The following CPE variants were observed in gnomAD, a reference collection of about 807,000 sequenced individuals.
CPE encodes carboxypeptidase E.
A neutral mutation model predicts 53.5 loss-of-function variants in CPE; 17 were observed. The ratio of observed to expected loss-of-function variants is 0.32; its 90% CI spans 0.22 to 0.48. The LOEUF (loss-of-function observed/expected upper bound fraction) is 0.48, where lower values mean the gene tolerates loss of function less well. CPE is among the 20% of genes least tolerant of loss of function. CPE has a pLI of 0.99. For synonymous variants in CPE, 226 were observed against 228.8 expected, an observed-to-expected ratio of 0.99 and a Z score of 0.11; for missense variants, 524 against 614.7, an observed-to-expected ratio of 0.85 and a Z score of 1.56.
In CPE at chr4:165,436,063, T is replaced by C. The variant is rs563400153; in HGVS notation, c.308-28327T>C. ...CCTCAACTTCCCAAACTCAAATATT[T>C]AGAAACCCTAGCACTCTGTTCTTGA... On this transcript the variant is annotated intron_variant, in intron 1 of 8. Coordinates refer to ENST00000402744, the MANE Select transcript of CPE (RefSeq NM_001873.4). 2.2e-3 allele frequency among the ~76,000 whole-genome samples: 332 copies of C among 152,242 alleles called. 1 individual carries two copies. The highest frequency in any genetic ancestry group is 7.8e-3 in the African/African-American group (325 of 41,558).
At chr4:165,404,685 C>A in intron 1 of CPE, 1 of 941,742 alleles carries the variant, frequency 1.1e-6, no homozygotes, top group Non-Finnish European at 1.8e-6. Context: ...ATTCAGATGA[C>A]TTCAGACATC....
At chr4:165,421,359 G>A (rs150025361) in intron 1 of CPE, among the ~76,000 whole-genome samples, 5 of 152,302 alleles carry the variant, frequency 3.3e-5, no homozygotes, top group African/African-American at 1.2e-4. Flanking sequence ...GCAGAGAAGG[G>A]GCCAAATCTT....
intron 8 of CPE, 56 bp from the exon 9 acceptor site, chr4:165,497,456 A>C (rs1174262037): frequency 1.8e-5 from 18 of 1,009,506 alleles, no homozygotes; most frequent in Non-Finnish European, 2.1e-5. Context: ...TTTTTATTTC[A>C]ATTTAAAAAA....
At chr4:165,452,729 C>A (rs17687381) in intron 1 of CPE, among the ~76,000 whole-genome samples, 8,922 of 152,224 alleles carry the variant, frequency 0.059, 353 homozygotes, top group East Asian at 0.15. Flanking sequence ...GAAATTCCCA[C>A]CAGTCTGCTG....
At chr4:165,460,788 T>G (rs1731985258) in intron 1 of CPE, among the ~76,000 whole-genome samples, 1 of 152,180 alleles carries the variant, frequency 6.6e-6, no homozygotes, top group Non-Finnish European at 1.5e-5. Context: ...TCTTATCGTA[T>G]TCTTACAAGA....
At chr4:165,392,587 A>T (rs1730701800) in intron 1 of CPE, among the ~76,000 whole-genome samples, 2 of 146,354 alleles carry the variant, frequency 1.4e-5, no homozygotes, top group Admixed American at 7.0e-5. Context: ...TTATATTTAT[A>T]TTACATTATT....
intron 6 of CPE, among the ~76,000 whole-genome samples, chr4:165,490,056 G>C (rs796208855): frequency 5.3e-5 from 8 of 152,316 alleles, no homozygotes; most frequent in African/African-American, 1.9e-4. Context: ...CAGAAGTTCT[G>C]TGTTGTAATT....
intron 3 of CPE, among the ~76,000 whole-genome samples, chr4:165,481,018 T>TA (rs1560894846): frequency 2.1e-3 from 237 of 115,268 alleles, no homozygotes; most frequent in African/African-American, 7.7e-3. Flanking sequence ...ATATATATAT[T>TA]TTTTTTTTTT....
intron 1 of CPE, among the ~76,000 whole-genome samples, chr4:165,410,122 G>A (rs995364198): frequency 3.3e-5 from 5 of 151,764 alleles, no homozygotes; most frequent in East Asian, 3.9e-4. Flanking sequence ...GGTGGTGGGC[G>A]CCTGTAGTCC....
Position 165,398,247 on chromosome 4 carries a change from A to C in CPE, c.307+18719A>C, listed in dbSNP as rs113555417. Among the ~76,000 whole-genome samples the C allele has an allele frequency of 1.7e-3, 257 of 152,212 alleles. 1 individual carries two copies. Among genetic ancestry groups the C allele is most frequent in the African/African-American group, 5.7e-3 (235 of 41,528 alleles). ...ATATAATATTAGTAAAAGATTGATA[A>C]GAGCATGTACCAGTGACAATTTTCT... is the stretch of plus-strand genomic sequence containing the variant. On this transcript the variant is annotated intron_variant, in intron 1 of 8. Coordinates refer to ENST00000402744, the MANE Select transcript of CPE (RefSeq NM_001873.4).
chr4:165,419,752 G>C (rs758371766), intron 1 of CPE, among the ~76,000 whole-genome samples: 1 of 152,146 alleles, frequency 6.6e-6, no homozygotes, highest in African/African-American at 2.4e-5. Flanking sequence ...GCACAAACAT[G>C]CATGTGAAGA....
rs371855900 is a variant in CPE at position 165,464,578 on chromosome 4, G to A, written c.496G>A (p.Ala166Thr). Reference sequence around the variant, plus strand: ...GAACCCAGATGGCTTTGAGAAGGCAGCGTCTCAGGTGAGTGCCAGGCAGCT... The same window carrying A: ...GAACCCAGATGGCTTTGAGAAGGCAACGTCTCAGGTGAGTGCCAGGCAGCT... The part of the protein sequence containing the change: ...SLNPDGFEKA[A>T]SQPGELKDWF... The change falls in exon 2 of 9, where the codon GCG (alanine) becomes ACG (threonine). Residue 166 changes from alanine (A) to threonine (T), a missense_variant. Coordinates refer to ENST00000402744, the MANE Select transcript of CPE (RefSeq NM_001873.4). 6.3e-5 allele frequency: 101 copies of A among 1,609,802 alleles called. No homozygotes were observed. The highest frequency in any genetic ancestry group is 8.2e-5 in the Non-Finnish European group (97 of 1,177,376).
intron 5 of CPE, among the ~76,000 whole-genome samples, 164 bp downstream of exon 5, chr4:165,484,768 T>C (rs890976531): frequency 5.3e-5 from 8 of 152,230 alleles, no homozygotes; most frequent in Non-Finnish European, 1.2e-4. Context: ...TTTGCGTGAA[T>C]GATTACTATG....
At chr4:165,381,343 G>C (rs1163693296) in intron 1 of CPE, 1 of 455,978 alleles carries the variant, frequency 2.2e-6, no homozygotes, top group Non-Finnish European at 4.4e-6. Flanking sequence ...GGCACACAGC[G>C]GGCTTGAATA....
At chr4:165,381,083 C>T (rs191921084) in intron 1 of CPE, among the ~76,000 whole-genome samples, 21 of 152,268 alleles carry the variant, frequency 1.4e-4, no homozygotes, top group African/African-American at 5.1e-4. Context: ...AGATTGATCC[C>T]AGAGTTTTTT....
intron 1 of CPE, among the ~76,000 whole-genome samples, chr4:165,460,835 G>T (rs1415003820): frequency 6.6e-6 from 1 of 151,974 alleles, no homozygotes; most frequent in East Asian, 1.9e-4. Context: ...TCTATGTGGG[G>T]GCACAGGTGA....
chr4:165,484,788 G>A (rs1483694767), intron 5 of CPE, among the ~76,000 whole-genome samples, 184 bp downstream of exon 5: 1 of 152,098 alleles, frequency 6.6e-6, no homozygotes, highest in Non-Finnish European at 1.5e-5. Context: ...GTATAATTTT[G>A]TTTTTGTGGA....
intron 1 of CPE, among the ~76,000 whole-genome samples, chr4:165,414,760 G>A (rs1731094161): frequency 6.6e-6 from 1 of 151,824 alleles, no homozygotes; most frequent in Admixed American, 6.6e-5. Flanking sequence ...CTTATTTACA[G>A]TGTATATAAA....
intron 1 of CPE, among the ~76,000 whole-genome samples, chr4:165,387,858 G>A (rs2126653533): frequency 6.6e-6 from 1 of 152,216 alleles, no homozygotes; most frequent in Non-Finnish European, 1.5e-5. Flanking sequence ...CTGACCTCAG[G>A]GGATCTGCCC....
Sources: gnomAD v4.1 joint callset for allele counts (sites outside exome capture counted in the v4.1 genomes callset) on GRCh38, gnomAD v4.1.1 for gene constraint, MANE v1.5 for transcripts, NCBI Gene and HGNC (gene_info 2026-07-23, HGNC 2026-07-21) for gene names.